Variants in PIK3C2G observed in about 807,000 individuals in gnomAD.
PIK3C2G encodes phosphatidylinositol 3-kinase C2 domain-containing subunit gamma.
In PIK3C2G, 168 loss-of-function variants were observed where a neutral mutation model predicts 181.1. That is an observed-to-expected ratio of 0.93 (90% CI 0.82 to 1.05). The LOEUF (loss-of-function observed/expected upper bound fraction) is 1.05. PIK3C2G is among the 50% of genes least tolerant of loss of function. The probability of loss-of-function intolerance (pLI) is 0.00; values close to 1 mark genes in which losing one functional copy is unlikely to be tolerated. For missense variants in PIK3C2G, 1,869 were observed against 1,732.8 expected, an observed-to-expected ratio of 1.08 and a Z score of -1.40; for synonymous variants, 573 against 592.2, an observed-to-expected ratio of 0.97 and a Z score of 0.47.
chr12:18,688,553 CATAT>C, the PIK3C2G span, among the ~76,000 whole-genome samples: 2 of 146,828 alleles, frequency 1.4e-5, no homozygotes, highest in African/African-American at 2.5e-5. Context: ...TTTTTGAATT[CATAT>C]ATATATATAT....
the PIK3C2G span, among the ~76,000 whole-genome samples, chr12:18,686,460 T>C: frequency 1.3e-5 from 2 of 152,110 alleles, no homozygotes; most frequent in African/African-American, 2.4e-5. Context: ...CTTGAGTTTC[T>C]TGGCTTTTCT....
rs528110178 is a variant in PIK3C2G at position 18,428,335 on chromosome 12, T to G, written c.2504+4296T>G. ...TCTTTCCTTAAAAAAAAGTCTTATT[T>G]AAAAAAAAAAAAAACTAGAAACCCA... On this transcript the variant is annotated intron_variant, in intron 18 of 32. Coordinates refer to ENST00000538779, the MANE Select transcript of PIK3C2G (RefSeq NM_001288772.2). 2.1e-5 allele frequency among the ~76,000 whole-genome samples: 3 copies of G among 141,948 alleles called. No individual in the cohort carries two copies. The East Asian group carries it at 6.1e-4, about 29-fold the overall frequency. The allele number at this position is 141,948 out of a possible 152,430, so 93.1% of individuals were successfully genotyped here. A position where few individuals can be genotyped will look rare whatever the true frequency, so the allele number is the denominator to read the frequency against.
At chr12:18,299,323 T>A (rs1950077927) in intron 5 of PIK3C2G, among the ~76,000 whole-genome samples, 1 of 151,928 alleles carries the variant, frequency 6.6e-6, no homozygotes, top group Non-Finnish European at 1.5e-5. Context: ...GGGATTTCCT[T>A]CTTAATTTTT....
the PIK3C2G span, among the ~76,000 whole-genome samples, chr12:18,676,121 C>T: frequency 6.6e-6 from 1 of 152,044 alleles, no homozygotes; most frequent in Non-Finnish European, 1.5e-5. Flanking sequence ...TAGACATTGC[C>T]ATCTTGGGAC....
chr12:18,604,619 T>C (rs1179064854), intron 30 of PIK3C2G, among the ~76,000 whole-genome samples: 2 of 152,102 alleles, frequency 1.3e-5, no homozygotes, highest in Non-Finnish European at 2.9e-5. Flanking sequence ...CCTGGAACTT[T>C]CTCCAAGATA....
chr12:18,696,047 A>G, the PIK3C2G span: 1 of 649,252 alleles, frequency 1.5e-6, no homozygotes, highest in Non-Finnish European at 2.7e-6. Flanking sequence ...CCGGGCTAAA[A>G]AATCTTTTAC....
chr12:18,712,823 A>T, the PIK3C2G span: 2 of 1,612,272 alleles, frequency 1.2e-6, no homozygotes, highest in Non-Finnish European at 1.7e-6. Flanking sequence ...GCTACAGTTG[A>T]ACAAAGATAT....
chr12:18,412,729 T>C lies in PIK3C2G; in HGVS notation c.2316-8212T>C, dbSNP rs115521274. On this transcript the variant is annotated intron_variant, in intron 16 of 32. Transcript: ENST00000538779. ...ATCATTCACATAAACCAAAACTCTTTGAAGTCTTCAATAATTTTTAAGAAT... is the reference window on the plus strand; with the variant it reads ...ATCATTCACATAAACCAAAACTCTTCGAAGTCTTCAATAATTTTTAAGAAT... Among the ~76,000 whole-genome samples the C allele has an allele frequency of 7.0e-3, 1,066 of 152,292 alleles. 6 individuals are homozygous for C. The highest frequency in any genetic ancestry group is 0.019 in the African/African-American group (779 of 41,564).
intron 5 of PIK3C2G, among the ~76,000 whole-genome samples, chr12:18,295,664 A>G (rs1030955237): frequency 2.0e-5 from 3 of 152,028 alleles, no homozygotes; most frequent in Admixed American, 2.0e-4. Context: ...ATTGGGTTTT[A>G]TTAAGATAGG....
At chr12:18,531,896 T>C (rs1268437663) in intron 24 of PIK3C2G, among the ~76,000 whole-genome samples, 1 of 152,172 alleles carries the variant, frequency 6.6e-6, no homozygotes, top group East Asian at 1.9e-4. Context: ...TGTCCAAAAG[T>C]ATAATTTCTG....
the PIK3C2G span, among the ~76,000 whole-genome samples, chr12:18,697,740 ATCTT>A: frequency 2.0e-5 from 3 of 152,074 alleles, no homozygotes; most frequent in South Asian, 6.2e-4. Flanking sequence ...ACAAACCGTT[ATCTT>A]TATTTACTAT....
intron 18 of PIK3C2G, among the ~76,000 whole-genome samples, chr12:18,446,346 G>A (rs565939234): frequency 6.6e-6 from 1 of 152,252 alleles, no homozygotes; most frequent in South Asian, 2.1e-4. Context: ...CCAATTGGCA[G>A]TCTCAGCAGG....
At chr12:18,441,393 T>C (rs1195482228) in intron 18 of PIK3C2G, among the ~76,000 whole-genome samples, 1 of 152,176 alleles carries the variant, frequency 6.6e-6, no homozygotes, top group Non-Finnish European at 1.5e-5. Context: ...GAAAAGAGTG[T>C]TGCTTCTTTG....
chr12:18,626,229 A>G (rs776931558), intron 31 of PIK3C2G, among the ~76,000 whole-genome samples: 3 of 151,840 alleles, frequency 2.0e-5, no homozygotes, highest in Non-Finnish European at 4.4e-5. Context: ...TGATGCTTAC[A>G]AATAATATCT....
At chr12:18,690,254 G>C in the PIK3C2G span, among the ~76,000 whole-genome samples, 2 of 151,920 alleles carry the variant, frequency 1.3e-5, no homozygotes, top group East Asian at 3.9e-4. Flanking sequence ...ACGAACTTTG[G>C]CTCTTGCTAC....
intron 24 of PIK3C2G, among the ~76,000 whole-genome samples, chr12:18,529,239 C>T (rs1943413873): frequency 6.6e-6 from 1 of 152,056 alleles, no homozygotes; most frequent in African/African-American, 2.4e-5. Context: ...AAGAGGCATG[C>T]AAAAACTAAG....
At chr12:18,360,395 T>G (rs1941130171) in intron 11 of PIK3C2G, among the ~76,000 whole-genome samples, 1 of 152,200 alleles carries the variant, frequency 6.6e-6, no homozygotes, top group Admixed American at 6.5e-5. Context: ...ACACCAGAGT[T>G]AAAAGTAATT....
At chr12:18,464,645 C>T (rs1018214745) in intron 18 of PIK3C2G, among the ~76,000 whole-genome samples, 1 of 152,002 alleles carries the variant, frequency 6.6e-6, no homozygotes, top group Admixed American at 6.6e-5. Flanking sequence ...AATGTTTACA[C>T]CCTTACAAAA....
At chr12:18,484,479 G>C (rs1411554410) in intron 18 of PIK3C2G, among the ~76,000 whole-genome samples, 2 of 152,116 alleles carry the variant, frequency 1.3e-5, no homozygotes, top group East Asian at 1.9e-4. Flanking sequence ...TTTGTGAATA[G>C]TTTTATACTT....
Sources: allele counts gnomAD v4.1 joint callset (sites outside exome capture counted in the v4.1 genomes callset), GRCh38; gene constraint gnomAD v4.1.1; transcripts MANE v1.5; gene names NCBI Gene and HGNC (gene_info 2026-07-23, HGNC 2026-07-21).